ANKAR: variants seen among roughly 807,000 people sequenced by gnomAD.
ANKAR encodes ankyrin and armadillo repeat-containing protein.
A neutral mutation model predicts 146.2 loss-of-function variants in ANKAR; 136 were observed. The ratio of observed to expected loss-of-function variants is 0.93; its 90% confidence interval spans 0.81 to 1.07. ANKAR has a LOEUF of 1.07. ANKAR is among the 50% of genes least tolerant of loss of function. The pLI is 0.00. For synonymous variants in ANKAR, 500 were observed against 575.8 expected (o/e 0.87, Z 1.88); for missense variants, 1,567 against 1,679.9 (o/e 0.93, Z 1.18).
chr2:189,748,246 A>G (rs1290336546), downstream of ANKAR, among the ~76,000 whole-genome samples: 1 of 152,210 alleles, frequency 6.6e-6, no homozygotes, highest in Admixed American at 6.5e-5. Flanking sequence ...TCTGTTACCC[A>G]GGTTGGACGG....
intron 13 of ANKAR, 25 bp downstream of exon 13, chr2:189,728,122 A>G: frequency 6.4e-7 from 1 of 1,571,626 alleles, no homozygotes; most frequent in South Asian, 1.2e-5. Flanking sequence ...ATTACTGGTC[A>G]TTTTTCTTAG....
chr2:189,712,294 C>G (rs1037766389), intron 10 of ANKAR, among the ~76,000 whole-genome samples: 14 of 152,238 alleles, frequency 9.2e-5, no homozygotes, highest in African/African-American at 2.7e-4. Flanking sequence ...ACTGCCTCCT[C>G]AAGTGGGTCC....
At chr2:189,688,458 A>G (rs552888733) in intron 2 of ANKAR, among the ~76,000 whole-genome samples, 2 of 152,172 alleles carry the variant, frequency 1.3e-5, no homozygotes, top group Non-Finnish European at 2.9e-5. Context: ...GTGGTTTCAT[A>G]TATATATTTA....
At chr2:189,692,708 C>T (rs2036607509) in intron 4 of ANKAR, 1 of 281,386 alleles carries the variant, frequency 3.6e-6, no homozygotes, top group South Asian at 7.0e-5. Flanking sequence ...GAACAGGTAA[C>T]CAAAGAGTGC....
At chr2:189,703,757 T>G (rs1341068083) in intron 7 of ANKAR, among the ~76,000 whole-genome samples, 1 of 151,972 alleles carries the variant, frequency 6.6e-6, no homozygotes, top group Non-Finnish European at 1.5e-5. Context: ...ACCAGTAGGG[T>G]TGGACAAAAA....
intron 4 of ANKAR, 158 bp from the exon 5 acceptor site, chr2:189,692,916 C>T (rs2036633996): frequency 4.9e-6 from 2 of 407,940 alleles, no homozygotes; most frequent in South Asian, 6.6e-5. Flanking sequence ...TCCTCATTCT[C>T]AAAGTAAGGA....
chr2:189,723,500 T>C (rs1389013116), intron 12 of ANKAR, among the ~76,000 whole-genome samples: 1 of 152,176 alleles, frequency 6.6e-6, no homozygotes, highest in African/African-American at 2.4e-5. Context: ...AGTTTCAAAC[T>C]GAGAAAAACT....
chr2:189,694,330 G>A (rs1166031865), intron 5 of ANKAR, among the ~76,000 whole-genome samples: 1 of 152,202 alleles, frequency 6.6e-6, no homozygotes, highest in Non-Finnish European at 1.5e-5. Context: ...TAGGTCAGCA[G>A]CTGAAGTATT....
At position 189,730,506 on chromosome 2, in the gene ANKAR, A is replaced by G; in HGVS notation, c.3205A>G (p.Thr1069Ala). The change falls in exon 16 of 23, where the codon ACA becomes GCA. Residue 1069 changes from threonine (T) to alanine (A), a missense_variant. By Grantham distance (58) the Thr-to-Ala change is moderately conservative. Transcript: ENST00000684021. ...GTGGACTCTTACAGGTGTAGCCCAT[A>G]CAAGCAATCCTGTCAGTCAACAATT... Reference protein sequence around the residue: ...VGSICIGVAHTSNPVSQQLVV... With the variant: ...VGSICIGVAHASNPVSQQLVV... The G allele has an allele frequency of 1.9e-6, 3 of 1,599,014 alleles. No homozygotes were observed. The highest frequency in any genetic ancestry group is 1.7e-6 in the Non-Finnish European group (2 of 1,171,074).
At chr2:189,717,345 A>T (rs144135889) in intron 10 of ANKAR, among the ~76,000 whole-genome samples, 1,584 of 152,364 alleles carry the variant, frequency 0.01, 36 homozygotes, top group African/African-American at 0.036. Context: ...AACGCTCATC[A>T]TCACTGGCCA....
In ANKAR at chr2:189,707,050, A is replaced by G. The variant is rs16831887; in HGVS notation, c.2023A>G (p.Ile675Val). The change falls in exon 9 of 23, where the codon ATA becomes GTA. Residue 675 changes from isoleucine (I) to valine (V), a missense_variant. Physicochemically the swap from Ile to Val is conservative, Grantham distance 29 (BLOSUM62 3). Transcript: ENST00000684021. ...WRKTDIKGNN[I>V]IHLSVLTFHT... is the part of the protein sequence containing the mutation. Reference sequence around the variant, plus strand: ...AAAAACAGATATTAAAGGAAATAATATAATCCATTTATCAGTGTTAACCTT... The same window carrying G: ...AAAAACAGATATTAAAGGAAATAATGTAATCCATTTATCAGTGTTAACCTT... 69,897 of 1,611,744 alleles carry G rather than the reference A, an allele frequency of 0.043. 1,681 individuals carry two copies. The highest frequency in any genetic ancestry group is 0.068 in the South Asian group (6,217 of 90,924).
At chr2:189,718,514 G>C (rs1279057201) in intron 10 of ANKAR, among the ~76,000 whole-genome samples, 2 of 152,138 alleles carry the variant, frequency 1.3e-5, no homozygotes, top group African/African-American at 4.8e-5. Context: ...ATTGATCATA[G>C]ATAGTCCCCT....
At chr2:189,731,755 C>T (rs1449136305) in intron 16 of ANKAR, among the ~76,000 whole-genome samples, 1 of 151,968 alleles carries the variant, frequency 6.6e-6, no homozygotes, top group Non-Finnish European at 1.5e-5. Flanking sequence ...GGCTAGAGTG[C>T]AGTAGTGCAA....
chr2:189,702,754 T>C (rs1559086044), intron 7 of ANKAR, among the ~76,000 whole-genome samples: 1 of 152,302 alleles, frequency 6.6e-6, no homozygotes, highest in East Asian at 1.9e-4. Context: ...AAGCTCCCAC[T>C]ATGAAGGCAG....
At chr2:189,742,683 TAAAC>T in intron 20 of ANKAR, among the ~76,000 whole-genome samples, 1 of 152,218 alleles carries the variant, frequency 6.6e-6, no homozygotes, top group East Asian at 1.9e-4. Context: ...TTGAGAATGA[TAAAC>T]AAAATAATTA....
chr2:189,705,117 AAG>A lies in ANKAR; in HGVS notation c.1806_1807del (p.Gly603LeufsTer11), dbSNP rs2038740958. On this transcript the variant is annotated frameshift_variant, in exon 8 of 23. Coordinates refer to ENST00000684021, the MANE Select transcript of ANKAR (RefSeq NM_001378068.1). LOFTEE classifies it high-confidence loss of function. Reference sequence around the variant, plus strand: ...AAGCTGATTACACGCTTTCTGAAAAAAGAGGCTGGATGCCGATTCACTTTGCC... The same window carrying A: ...AAGCTGATTACACGCTTTCTGAAAAAAGGCTGGATGCCGATTCACTTTGCC... The part of the protein sequence containing the change: ...SKADYTLSEK[R>X]GWMPIHFAAF... The A allele has an allele frequency of 6.2e-7, 1 of 1,614,138 alleles. No homozygotes were observed. The highest frequency in any genetic ancestry group is 8.5e-7 in the Non-Finnish European group (1 of 1,180,018).
At chr2:189,735,248 A>G (rs1415719089) in intron 17 of ANKAR, among the ~76,000 whole-genome samples, 1 of 152,044 alleles carries the variant, frequency 6.6e-6, no homozygotes, top group Non-Finnish European at 1.5e-5. Flanking sequence ...TGGACCCTGC[A>G]TTTGGCTTAT....
At chr2:189,715,245 G>C (rs1004166405) in intron 10 of ANKAR, among the ~76,000 whole-genome samples, 2 of 152,078 alleles carry the variant, frequency 1.3e-5, no homozygotes, top group Non-Finnish European at 2.9e-5. Flanking sequence ...AAGAAAAAAT[G>C]ATAAAGGGGA....
chr2:189,703,982 A>G (rs528608334), intron 7 of ANKAR, among the ~76,000 whole-genome samples: 3 of 152,204 alleles, frequency 2.0e-5, no homozygotes, highest in South Asian at 4.2e-4. Flanking sequence ...GGGGATTACA[A>G]TTCGAGATGA....
Sources: gnomAD v4.1 joint callset for allele counts (sites outside exome capture counted in the v4.1 genomes callset) on GRCh38, gnomAD v4.1.1 for gene constraint, MANE v1.5 for transcripts, NCBI Gene and HGNC (gene_info 2026-07-23, HGNC 2026-07-21) for gene names.